IDE: variants seen among roughly 807,000 people sequenced by gnomAD.
IDE encodes the protein insulin degrading enzyme, also known as insulin-degrading enzyme.
In IDE, 58 loss-of-function variants were observed where a neutral mutation model predicts 133.2. That is an observed-to-expected ratio of 0.44 (90% CI 0.35 to 0.54). IDE has a LOEUF of 0.54. IDE is among the 20% of genes least tolerant of loss of function. The pLI, the probability that IDE is intolerant of heterozygous loss-of-function variation, is 0.00. For missense variants in IDE, 981 were observed against 1,234.0 expected (o/e 0.79, Z 3.07); for synonymous variants, 396 against 421.3 (o/e 0.94, Z 0.73).
intron 4 of IDE, among the ~76,000 whole-genome samples, chr10:92,529,958 G>A (rs1849825003): frequency 6.6e-6 from 1 of 152,156 alleles, no homozygotes; most frequent in Non-Finnish European, 1.5e-5. Context: ...AGGCGCAGTG[G>A]CTCACGCCTG....
intron 15 of IDE, 135 bp downstream of exon 15, chr10:92,479,142 A>T: frequency 1.8e-6 from 1 of 569,404 alleles, no homozygotes; most frequent in Non-Finnish European, 2.9e-6. Context: ...CTTAAAAATT[A>T]AATGAGAAAA....
chr10:92,458,778 G>A (rs1845187222), intron 22 of IDE, among the ~76,000 whole-genome samples: 1 of 152,048 alleles, frequency 6.6e-6, no homozygotes, highest in Non-Finnish European at 1.5e-5. Flanking sequence ...GGGATTACAG[G>A]TGTGAACCAC....
In IDE at chr10:92,537,463, T is replaced by G; in HGVS notation, c.186A>C (p.Arg62=). 6.2e-7 allele frequency: 1 copy of G among 1,614,022 alleles called. No homozygotes were observed. Among genetic ancestry groups the G allele is most frequent in the South Asian group, 1.1e-5 (1 of 91,080 alleles). ...NHITKSPEDK[R]EYRGLELANG... ...TGGCCAGCTCTAGCCCTCGATATTC[T>G]CGCTTGTCTTCAGGAGACTTGGTAA... Residue 62 remains arginine, a synonymous_variant, in exon 2 of 25, where the codon CGA becomes CGC. Transcript: ENST00000265986.
At chr10:92,520,808 T>C (rs772487887) in intron 4 of IDE, among the ~76,000 whole-genome samples, 3 of 152,218 alleles carry the variant, frequency 2.0e-5, no homozygotes, top group African/African-American at 2.4e-5. Context: ...CTACACTTGA[T>C]TGGTCCAGCT....
chr10:92,489,326 C>T (rs575934654), intron 12 of IDE, among the ~76,000 whole-genome samples: 1 of 152,096 alleles, frequency 6.6e-6, no homozygotes, highest in East Asian at 1.9e-4. Flanking sequence ...CTGAGGCAGG[C>T]GGATCACAAG....
chr10:92,490,440 T>C, intron 12 of IDE, 53 bp downstream of exon 12: 1 of 1,114,450 alleles, frequency 9.0e-7, no homozygotes, highest in Admixed American at 1.8e-5. Flanking sequence ...TAGGGAGCAA[T>C]GTTCTTGTGA....
intron 1 of IDE, among the ~76,000 whole-genome samples, chr10:92,540,662 A>G (rs375361982): frequency 6.6e-6 from 1 of 152,138 alleles, no homozygotes; most frequent in Non-Finnish European, 1.5e-5. Context: ...GAAATGTAAT[A>G]ATGATGATGA....
intron 19 of IDE, among the ~76,000 whole-genome samples, chr10:92,467,659 T>C (rs1204773846): frequency 6.6e-6 from 1 of 152,240 alleles, no homozygotes; most frequent in Non-Finnish European, 1.5e-5. Context: ...TACACTGGCC[T>C]CACTTTGAAG....
At chr10:92,500,260 G>C (rs1287445268) in intron 11 of IDE, among the ~76,000 whole-genome samples, 1 of 151,094 alleles carries the variant, frequency 6.6e-6, no homozygotes, top group Admixed American at 6.6e-5. Flanking sequence ...TCGCACCATG[G>C]CATTCCAGCC....
At chr10:92,495,970 G>A (rs1375418293) in intron 11 of IDE, among the ~76,000 whole-genome samples, 1 of 152,002 alleles carries the variant, frequency 6.6e-6, no homozygotes, top group Non-Finnish European at 1.5e-5. Context: ...CGCCCCCTGG[G>A]TTCAAGCGAT....
In IDE at chr10:92,537,531, TG is replaced by T; in HGVS notation, c.117del (p.Tyr39Ter). The part of the protein sequence containing the change: ...ERLCGFQKKT[Y>X]SKMNNPAIKR... ...TTGATGGCTGGATTATTCATTTTGC[TG>T]TAAGTCTTTTTTTGGAAACTGAAAA... is the stretch of plus-strand genomic sequence containing the variant. On this transcript the variant is annotated frameshift_variant, in exon 2 of 25. Coordinates refer to ENST00000265986, the MANE Select transcript of IDE (RefSeq NM_004969.4). LOFTEE classifies it high-confidence loss of function. 6.3e-7 allele frequency: 1 copy of T among 1,593,444 alleles called. No individual in the cohort carries two copies. The highest frequency in any genetic ancestry group is 1.2e-5 in the South Asian group (1 of 86,512).
At chr10:92,573,328 T>A (rs774560021) in intron 1 of IDE, 45 of 268,410 alleles carry the variant, frequency 1.7e-4, no homozygotes, top group Non-Finnish European at 2.5e-4. Flanking sequence ...CTGTAGAGGA[T>A]CCCGAGGTAT....
intron 11 of IDE, among the ~76,000 whole-genome samples, chr10:92,492,373 C>T (rs535897066): frequency 5.9e-5 from 9 of 152,100 alleles, no homozygotes; most frequent in Non-Finnish European, 1.3e-4. Flanking sequence ...AAGTTCTGAA[C>T]AAGTGGAACT....
intron 11 of IDE, among the ~76,000 whole-genome samples, chr10:92,492,462 C>A (rs1003233840): frequency 1.3e-5 from 2 of 152,156 alleles, no homozygotes; most frequent in African/African-American, 4.8e-5. Flanking sequence ...AATCACTACA[C>A]CCTCACCAGT....
At chr10:92,554,553 A>AG (rs931611240) in intron 1 of IDE, among the ~76,000 whole-genome samples, 3 of 150,284 alleles carry the variant, frequency 2.0e-5, no homozygotes, top group African/African-American at 7.4e-5. Flanking sequence ...CTTAAAAAAA[A>AG]AAAAAAAAAG....
chr10:92,511,087 AAAAAAAAAAAAAAACT>A (rs1848600873), intron 5 of IDE, among the ~76,000 whole-genome samples: 3 of 117,472 alleles, frequency 2.6e-5, no homozygotes, highest in East Asian at 5.5e-4. Flanking sequence ...GCAGTGTTAA[AAAAAAAAAAAAAAACT>A]TTTTTTTTTT....
intron 17 of IDE, among the ~76,000 whole-genome samples, chr10:92,473,232 A>G (rs1218880180): frequency 6.6e-6 from 1 of 151,990 alleles, no homozygotes; most frequent in Admixed American, 6.6e-5. Flanking sequence ...ACCCGGCCCA[A>G]AATTCTTTTT....
Position 92,465,847 on chromosome 10 carries a change from G to C in IDE, c.2321-4C>G. ...TGCTGATAAACAAACCATCCTCCTAGGAAGTTTCAAAAAGACAGCAGCAAG... is the reference window on the plus strand; with the variant it reads ...TGCTGATAAACAAACCATCCTCCTACGAAGTTTCAAAAAGACAGCAGCAAG... On this transcript the variant is annotated splice_region_variant and splice_polypyrimidine_tract_variant and intron_variant, in intron 19 of 24. Coordinates refer to ENST00000265986, the MANE Select transcript of IDE (RefSeq NM_004969.4). 6.2e-7 allele frequency: 1 copy of C among 1,613,500 alleles called. No individual in the cohort carries two copies. Among genetic ancestry groups the C allele is most frequent in the Non-Finnish European group, 8.5e-7 (1 of 1,179,752 alleles).
In IDE at chr10:92,487,331, T is replaced by C; in HGVS notation, c.1534-13A>G. On this transcript the variant is annotated splice_polypyrimidine_tract_variant and intron_variant, in intron 12 of 24. Transcript: ENST00000265986. ...CATTTTGCCATTTCTGGATGAATAA[T>C]GAAACACACAAATGCAGTAAGAGTC... 1 of 1,606,866 alleles carries C rather than the reference T, an allele frequency of 6.2e-7. No homozygotes were observed. The highest frequency in any genetic ancestry group is 8.5e-7 in the Non-Finnish European group (1 of 1,176,112).
Sources: gnomAD v4.1 joint callset for allele counts (sites outside exome capture counted in the v4.1 genomes callset) on GRCh38, gnomAD v4.1.1 for gene constraint, MANE v1.5 for transcripts, NCBI Gene and HGNC (gene_info 2026-07-23, HGNC 2026-07-21) for gene names.